WDFY3: variants seen among roughly 807,000 people sequenced by gnomAD.
WDFY3 encodes the protein WD repeat and FYVE domain containing 3.
In WDFY3, 66 loss-of-function variants were observed where a neutral mutation model predicts 409.6. That is an observed-to-expected ratio of 0.16 (90% CI 0.13 to 0.20). The LOEUF is 0.20. Ranked by LOEUF, WDFY3 falls within the 10% of genes least tolerant of loss-of-function variation. The pLI is 1.00. For synonymous variants in WDFY3, 1,521 were observed against 1,537.1 expected, an observed-to-expected ratio of 0.99 and a Z score of 0.25; for missense variants, 3,031 against 4,298.1, an observed-to-expected ratio of 0.71 and a Z score of 8.24.
In WDFY3 at chr4:84,789,713, C is replaced by T. The variant is rs1171907452; in HGVS notation, c.3669+13G>A. The stretch of plus-strand genomic sequence containing the variant: ...TATAAAACAGGTAGATTTACAAGTG[C>T]ACATACACTTACCTTTACAGTGTTA... On this transcript the variant is annotated intron_variant, in intron 22 of 67. Coordinates refer to ENST00000295888, the MANE Select transcript of WDFY3 (RefSeq NM_014991.6). 1 of 1,613,266 alleles carries T rather than the reference C, an allele frequency of 6.2e-7. No homozygotes were observed. The highest frequency in any genetic ancestry group is 8.5e-7 in the Non-Finnish European group (1 of 1,179,586).
At chr4:84,678,435 T>C (rs1726737927) in intron 65 of WDFY3, among the ~76,000 whole-genome samples, 156 bp from the exon 66 acceptor site, 1 of 152,164 alleles carries the variant, frequency 6.6e-6, no homozygotes, top group Non-Finnish European at 1.5e-5. Flanking sequence ...TGGTTGAAAG[T>C]AAAGCTACCT....
In WDFY3 at chr4:84,677,385, C is replaced by G; in HGVS notation, c.10271G>C (p.Arg3424Thr). The change falls in exon 67 of 68, where the codon AGG (arginine) becomes ACG (threonine). Residue 3424 changes from arginine (R) to threonine (T), a missense_variant. Transcript: ENST00000295888. ...TALGISKDHS[R>T]ILVGDSRGRV... ...GCCTCGACTGTCACCAACGAGGATC[C>G]TACTGTGATCCCTGCAGGAGACACG... 1 of 1,611,550 alleles carries G rather than the reference C, an allele frequency of 6.2e-7. No homozygotes were observed.
chr4:84,860,724 C>T, intron 3 of WDFY3, 102 bp from the exon 4 acceptor site: 2 of 1,064,004 alleles, frequency 1.9e-6, no homozygotes, highest in Non-Finnish European at 2.4e-6. Context: ...ATAGAAAATT[C>T]TGTCTAAAAT....
At chr4:84,802,571 A>T (rs1750796789) in intron 16 of WDFY3, among the ~76,000 whole-genome samples, 1 of 152,140 alleles carries the variant, frequency 6.6e-6, no homozygotes, top group Non-Finnish European at 1.5e-5. Flanking sequence ...CCTGGCCAGA[A>T]GCATACCTTT....
At chr4:84,907,321 A>G (rs185782759) in intron 2 of WDFY3, among the ~76,000 whole-genome samples, 85 of 152,262 alleles carry the variant, frequency 5.6e-4, no homozygotes, top group East Asian at 2.5e-3. Context: ...CCAGATTATA[A>G]AAGACATTAT....
At chr4:84,823,728 A>T (rs1003954026) in intron 10 of WDFY3, among the ~76,000 whole-genome samples, 2 of 152,192 alleles carry the variant, frequency 1.3e-5, no homozygotes, top group Non-Finnish European at 2.9e-5. Context: ...ATTAGACATT[A>T]TTACATACTT....
chr4:84,736,077 A>G (rs1322796957), intron 42 of WDFY3, 93 bp downstream of exon 42: 2 of 1,373,486 alleles, frequency 1.5e-6, no homozygotes, highest in African/African-American at 2.9e-5. Context: ...GCAAAAATAC[A>G]GAAAAGTTTC....
intron 1 of WDFY3, among the ~76,000 whole-genome samples, chr4:84,937,432 A>G (rs1771567706): frequency 6.6e-6 from 1 of 152,114 alleles, no homozygotes; most frequent in African/African-American, 2.4e-5. Context: ...ACTGGCAAGT[A>G]CTATTGACTT....
chr4:84,827,924 T>C (rs1038579663), intron 9 of WDFY3, among the ~76,000 whole-genome samples: 4 of 152,044 alleles, frequency 2.6e-5, no homozygotes, highest in African/African-American at 7.2e-5. Flanking sequence ...GGCACCAGCC[T>C]GGGCAACATA....
At chr4:84,808,041 AAAGAC>A (rs2149708494) in intron 15 of WDFY3, among the ~76,000 whole-genome samples, 1 of 152,296 alleles carries the variant, frequency 6.6e-6, no homozygotes, top group East Asian at 1.9e-4. Flanking sequence ...ATTTTTAATA[AAAGAC>A]ATGTTTTTTC....
chr4:84,723,705 A>C (rs1735206741), intron 46 of WDFY3, among the ~76,000 whole-genome samples: 1 of 152,266 alleles, frequency 6.6e-6, no homozygotes, highest in South Asian at 2.1e-4. Flanking sequence ...TGAAACTGCT[A>C]TAACAGACAT....
At chr4:84,937,482 C>A (rs1190022039) in intron 1 of WDFY3, among the ~76,000 whole-genome samples, 2 of 152,140 alleles carry the variant, frequency 1.3e-5, no homozygotes, top group Admixed American at 6.6e-5. Flanking sequence ...CTTCTCGCCA[C>A]TTGCATAGTT....
intron 30 of WDFY3, among the ~76,000 whole-genome samples, chr4:84,772,547 C>G (rs1197041452): frequency 6.6e-6 from 1 of 151,978 alleles, no homozygotes; most frequent in Non-Finnish European, 1.5e-5. Flanking sequence ...GTTCAAATCA[C>G]ACAGGAAGAG....
At chr4:84,808,705 G>A (rs1277024612) in intron 14 of WDFY3, among the ~76,000 whole-genome samples, 3 of 152,108 alleles carry the variant, frequency 2.0e-5, no homozygotes, top group Admixed American at 6.5e-5. Flanking sequence ...TTCTAACTAG[G>A]ATAAGTAGAA....
intron 1 of WDFY3, among the ~76,000 whole-genome samples, chr4:84,953,854 CA>C (rs199600222): frequency 0.028 from 4,243 of 152,138 alleles, 83 homozygotes; most frequent in Non-Finnish European, 0.044. Flanking sequence ...GAAATTTGAT[CA>C]ATCCCCCTGA....
chr4:84,951,663 G>A (rs1349739350), intron 1 of WDFY3, among the ~76,000 whole-genome samples: 6 of 152,198 alleles, frequency 3.9e-5, no homozygotes, highest in South Asian at 4.2e-4. Flanking sequence ...AGCCATGCCC[G>A]ATGTTAAATA....
In WDFY3 at chr4:84,740,293, G is replaced by A. The variant is rs375064805; in HGVS notation, c.6358C>T (p.Leu2120Phe). The A allele has an allele frequency of 5.0e-6, 8 of 1,613,974 alleles. No homozygotes were observed. Among genetic ancestry groups the A allele is most frequent in the African/African-American group, 4.0e-5 (3 of 74,898 alleles). The change falls in exon 39 of 68, where the codon CTC (leucine) becomes TTC (phenylalanine). Residue 2120 changes from leucine to phenylalanine, a missense_variant. Leu to Phe is a conservative substitution (Grantham distance 22). Coordinates refer to ENST00000295888, the MANE Select transcript of WDFY3 (RefSeq NM_014991.6). ...TTTCTGTTTACAGTGAGGACCCTGA[G>A]TGAATCAAGCAGAGCTACTTGCTGA... ...VPQQVALLDSLRVLTVNRNLI... is the reference protein window; with the variant it reads ...VPQQVALLDSFRVLTVNRNLI...
chr4:84,779,980 C>T, intron 26 of WDFY3, 128 bp downstream of exon 26: 1 of 1,056,426 alleles, frequency 9.5e-7, no homozygotes, highest in South Asian at 2.5e-5. Flanking sequence ...TTTCATAAAA[C>T]TACTGTCTCT....
chr4:84,790,496 C>T (rs1237231808), intron 21 of WDFY3, among the ~76,000 whole-genome samples: 1 of 151,992 alleles, frequency 6.6e-6, no homozygotes, highest in Non-Finnish European at 1.5e-5. Flanking sequence ...CATAAAGTTA[C>T]AATGAACAAA....
Sources: gnomAD v4.1 joint callset for allele counts (sites outside exome capture counted in the v4.1 genomes callset) on GRCh38, gnomAD v4.1.1 for gene constraint, MANE v1.5 for transcripts, NCBI Gene and HGNC (gene_info 2026-07-23, HGNC 2026-07-21) for gene names.